TRPC1: variants seen among roughly 807,000 people sequenced by gnomAD.
TRPC1 encodes short transient receptor potential channel 1.
Under a neutral mutation model 88.2 loss-of-function variants are expected in TRPC1, and 42 were observed. The observed-to-expected ratio is 0.48, with a 90% CI of 0.37 to 0.62. TRPC1 has a LOEUF of 0.62. Among genes scored for constraint, TRPC1 ranks in the 20% least tolerant of loss-of-function variants. The pLI is 0.00. For synonymous variants in TRPC1, 288 were observed against 331.8 expected, an observed-to-expected ratio of 0.87 and a Z score of 1.43; for missense variants, 699 against 957.3, an observed-to-expected ratio of 0.73 and a Z score of 3.56.
intron 4 of TRPC1, among the ~76,000 whole-genome samples, chr3:142,775,532 T>C (rs535879578): frequency 6.6e-6 from 1 of 152,220 alleles, no homozygotes; most frequent in South Asian, 2.1e-4. Context: ...GGCAGGAGCA[T>C]TGCTTGAACC....
At chr3:142,775,913 AT>A (rs1220916146) in intron 4 of TRPC1, among the ~76,000 whole-genome samples, 2 of 152,194 alleles carry the variant, frequency 1.3e-5, no homozygotes, top group Non-Finnish European at 2.9e-5. Context: ...TCTCCTTGTT[AT>A]TATTGCTTTG....
Position 142,724,827 on chromosome 3 carries a change from C to T in TRPC1, c.172+96C>T. ...ACTTATATCGGGGCATTCCCTCTGTCTCAGGCGCCGAGTGTCTTCCCGCCT... is the reference window on the plus strand; with the variant it reads ...ACTTATATCGGGGCATTCCCTCTGTTTCAGGCGCCGAGTGTCTTCCCGCCT... On this transcript the variant is annotated intron_variant, in intron 1 of 12. Transcript: ENST00000476941. The surrounding 1 kb of genome is among the most constrained non-coding windows in gnomAD (Gnocchi z 5.6). 1.5e-6 allele frequency: 2 copies of T among 1,368,068 alleles called. No homozygotes were observed. Among genetic ancestry groups the T allele is most frequent in the Non-Finnish European group, 1.9e-6 (2 of 1,042,932 alleles). 84.7% of individuals were successfully genotyped at this position (1,368,068 alleles called of 1,614,324 possible). A position where few individuals can be genotyped will look rare whatever the true frequency, so the allele number is the denominator to read the frequency against.
chr3:142,785,877 G>A (rs1308175769), intron 7 of TRPC1, among the ~76,000 whole-genome samples: 1 of 152,176 alleles, frequency 6.6e-6, no homozygotes, highest in Non-Finnish European at 1.5e-5. Flanking sequence ...ATTTAAAGGA[G>A]TCCCTGGTGA....
chr3:142,761,580 G>T (rs1170514530), intron 4 of TRPC1, among the ~76,000 whole-genome samples: 1 of 151,982 alleles, frequency 6.6e-6, no homozygotes, highest in Non-Finnish European at 1.5e-5. Context: ...GGGTAATGCT[G>T]GCCTCTTTGG....
intron 6 of TRPC1, among the ~76,000 whole-genome samples, chr3:142,782,560 G>A (rs1032319736): frequency 1.3e-5 from 2 of 152,046 alleles, no homozygotes; most frequent in South Asian, 4.2e-4. Flanking sequence ...ATTAGGAAAG[G>A]GCATGGCAAT....
chr3:142,751,800 T>C (rs1028992089), intron 4 of TRPC1, among the ~76,000 whole-genome samples: 2 of 152,122 alleles, frequency 1.3e-5, no homozygotes, highest in Non-Finnish European at 2.9e-5. Context: ...TAGTGACAGA[T>C]CTCTAATTTG....
At chr3:142,745,912 C>G (rs1324178249) in intron 3 of TRPC1, among the ~76,000 whole-genome samples, 1 of 151,960 alleles carries the variant, frequency 6.6e-6, no homozygotes, top group African/African-American at 2.4e-5. Flanking sequence ...CACGTCCCAC[C>G]ATGCCCAGCT....
At chr3:142,759,520 G>T (rs1935105121) in intron 4 of TRPC1, among the ~76,000 whole-genome samples, 1 of 152,092 alleles carries the variant, frequency 6.6e-6, no homozygotes, top group Admixed American at 6.6e-5. Flanking sequence ...TTTTGATGGG[G>T]TTGATTTTTT....
At chr3:142,727,475 A>G (rs1207187579) in intron 1 of TRPC1, among the ~76,000 whole-genome samples, 1 of 152,204 alleles carries the variant, frequency 6.6e-6, no homozygotes, top group Non-Finnish European at 1.5e-5. Flanking sequence ...AAAAAGATTT[A>G]TAGTTTGTGA....
chr3:142,759,379 G>A (rs982047403), intron 4 of TRPC1, among the ~76,000 whole-genome samples: 3 of 152,186 alleles, frequency 2.0e-5, no homozygotes, highest in African/African-American at 7.2e-5. Flanking sequence ...TAACTGGTGT[G>A]AGATGGTATC....
intron 4 of TRPC1, among the ~76,000 whole-genome samples, chr3:142,750,629 A>T (rs780613656): frequency 6.6e-6 from 1 of 152,188 alleles, no homozygotes; most frequent in Non-Finnish European, 1.5e-5. Flanking sequence ...TGTTTATTGC[A>T]GCGCTATTCA....
chr3:142,777,689 G>C lies in TRPC1; in HGVS notation c.690G>C (p.Glu230Asp), dbSNP rs1467893082. ...LASPALIMLTEEDPILRAFEL... is the reference protein window; with the variant it reads ...LASPALIMLTDEDPILRAFEL... Reference sequence around the variant, plus strand: ...GTCCAGCTCTAATAATGTTAACAGAGGAGGATCCAATTCTGAGAGCATTTG... The same window carrying C: ...GTCCAGCTCTAATAATGTTAACAGACGAGGATCCAATTCTGAGAGCATTTG... The change falls in exon 5 of 13, where the codon GAG becomes GAC. Residue 230 changes from glutamate (E) to aspartate (D), a missense_variant. Glu to Asp is a conservative substitution (Grantham distance 45, BLOSUM62 2). Coordinates refer to ENST00000476941, the MANE Select transcript of TRPC1 (RefSeq NM_001251845.2). 1 of 1,613,152 alleles carries C rather than the reference G, an allele frequency of 6.2e-7. No individual in the cohort carries two copies. The highest frequency in any genetic ancestry group is 1.3e-5 in the African/African-American group (1 of 75,004).
At position 142,767,630 on chromosome 3, in the gene TRPC1, A is replaced by G. The variant is rs1468344487; in HGVS notation, c.633-10002A>G. Among the ~76,000 whole-genome samples, 1 of 149,260 alleles carries G rather than the reference A, an allele frequency of 6.7e-6. No individual in the cohort carries two copies. Among genetic ancestry groups the G allele is most frequent in the Non-Finnish European group, 1.5e-5 (1 of 67,440 alleles). Reference sequence around the variant, plus strand: ...TATATCTTTATATATCATATCATTTATATATCATAAGTGTACATTTCAGCT... The same window carrying G: ...TATATCTTTATATATCATATCATTTGTATATCATAAGTGTACATTTCAGCT... On this transcript the variant is annotated intron_variant, in intron 4 of 12. Coordinates refer to ENST00000476941, the MANE Select transcript of TRPC1 (RefSeq NM_001251845.2). The surrounding 1 kb of genome is among the most constrained non-coding windows in gnomAD (Gnocchi z 5.1).
chr3:142,793,203 C>A (rs144852920), intron 9 of TRPC1, among the ~76,000 whole-genome samples: 161 of 152,094 alleles, frequency 1.1e-3, no homozygotes, highest in Non-Finnish European at 1.6e-3. Flanking sequence ...CCTCCTCCCC[C>A]CACTTCATAG....
At chr3:142,780,291 T>G (rs1470071590) in intron 5 of TRPC1, among the ~76,000 whole-genome samples, 1 of 152,232 alleles carries the variant, frequency 6.6e-6, no homozygotes, top group African/African-American at 2.4e-5. Context: ...AGGCGCATTT[T>G]AATATCTTTC....
At chr3:142,748,570 G>A in intron 4 of TRPC1, 110 bp downstream of exon 4, 1 of 1,209,474 alleles carries the variant, frequency 8.3e-7, no homozygotes, top group Non-Finnish European at 1.2e-6. Flanking sequence ...ATGCTGGGGT[G>A]ACTTATGAAA....
intron 9 of TRPC1, among the ~76,000 whole-genome samples, chr3:142,801,688 TC>T (rs1048270355): frequency 3.8e-4 from 58 of 152,232 alleles, no homozygotes; most frequent in African/African-American, 1.3e-3. Flanking sequence ...ATTAGGGCAG[TC>T]CCATAGGAGG....
intron 2 of TRPC1, among the ~76,000 whole-genome samples, chr3:142,740,264 C>T (rs1934298310): frequency 1.3e-5 from 2 of 152,122 alleles, no homozygotes; most frequent in Admixed American, 6.5e-5. Flanking sequence ...AAATCTTAAA[C>T]GTGGGTGACT....
At position 142,790,473 on chromosome 3, in the gene TRPC1, C is replaced by T. The variant is rs1449817174; in HGVS notation, c.1298-546C>T. ...AGGCTGAAACCTGGTACTAGGTTTA[C>T]TTAAATTTGTAGAAGTAAAAGATTT... On this transcript the variant is annotated intron_variant, in intron 7 of 12. Transcript: ENST00000476941. 5.9e-5 allele frequency among the ~76,000 whole-genome samples: 9 copies of T among 152,046 alleles called. No homozygotes were observed. The East Asian group carries it at 1.5e-3, about 26-fold the overall frequency.
Sources: allele counts gnomAD v4.1 joint callset (sites outside exome capture counted in the v4.1 genomes callset), GRCh38; gene constraint gnomAD v4.1.1; non-coding constraint Gnocchi (gnomAD v3.1); transcripts MANE v1.5; gene names NCBI Gene and HGNC (gene_info 2026-07-23, HGNC 2026-07-21).